Variants in SV2C observed in about 807,000 individuals in gnomAD.
SV2C encodes the protein solute carrier family 22 member B3.
Under a neutral mutation model 79.7 loss-of-function variants are expected in SV2C, and 49 were observed. The observed-to-expected ratio is 0.61, with a 90% CI of 0.49 to 0.78. SV2C has a LOEUF of 0.78. Ranked by LOEUF, SV2C falls within the 30% of genes least tolerant of loss-of-function variation. The pLI is 0.00. For missense variants in SV2C, 833 were observed against 912.9 expected, an observed-to-expected ratio of 0.91 and a Z score of 1.13; for synonymous variants, 334 against 333.2, an observed-to-expected ratio of 1.00 and a Z score of -0.03.
At chr5:76,122,776 G>A (rs1167447456) in intron 1 of SV2C, among the ~76,000 whole-genome samples, 1 of 152,012 alleles carries the variant, frequency 6.6e-6, no homozygotes, top group Admixed American at 6.6e-5. Context: ...AAGGAGGAAA[G>A]ATCCAAAATT....
At chr5:76,011,169 C>A in the SV2C span, among the ~76,000 whole-genome samples, 1 of 151,970 alleles carries the variant, frequency 6.6e-6, no homozygotes, top group East Asian at 1.9e-4. Context: ...GTAGATACAC[C>A]AAGTTTTACT....
At chr5:76,231,027 T>A (rs1013937123) in intron 4 of SV2C, among the ~76,000 whole-genome samples, 3 of 152,204 alleles carry the variant, frequency 2.0e-5, no homozygotes, top group Non-Finnish European at 4.4e-5. Context: ...GATTAGGAAC[T>A]CTCTGAATGA....
chr5:75,961,467 GTT>G, the SV2C span, among the ~76,000 whole-genome samples: 1 of 151,800 alleles, frequency 6.6e-6, no homozygotes, highest in South Asian at 2.1e-4. Flanking sequence ...TAATTAGAAT[GTT>G]TTTACAACAA....
the SV2C span, chr5:75,921,212 G>A: frequency 2.1e-4 from 228 of 1,108,178 alleles, 2 homozygotes; most frequent in African/African-American, 3.0e-3. Flanking sequence ...GCCAGCAGCC[G>A]AGATGTGGTC....
At chr5:76,046,034 C>CTATA in the SV2C span, among the ~76,000 whole-genome samples, 1 of 152,218 alleles carries the variant, frequency 6.6e-6, no homozygotes, top group Admixed American at 6.5e-5. Context: ...GTAGAGCTTA[C>CTATA]TATAGTGGGA....
the SV2C span, among the ~76,000 whole-genome samples, chr5:75,914,223 C>G: frequency 6.6e-6 from 1 of 151,912 alleles, no homozygotes; most frequent in African/African-American, 2.4e-5. Context: ...TTCTAGAGTT[C>G]TTTTATAGCT....
intron 2 of SV2C, among the ~76,000 whole-genome samples, chr5:76,181,418 G>T (rs1299099431): frequency 6.6e-6 from 1 of 152,140 alleles, no homozygotes; most frequent in Admixed American, 6.5e-5. Flanking sequence ...CTTTCTATTA[G>T]TCTGTTTTCA....
chr5:75,890,955 A>G, the SV2C span, among the ~76,000 whole-genome samples: 3 of 151,880 alleles, frequency 2.0e-5, no homozygotes, highest in Non-Finnish European at 4.4e-5. Flanking sequence ...TATTACTGCA[A>G]TCTCATTTTC....
At chr5:75,978,779 C>A in the SV2C span, among the ~76,000 whole-genome samples, 1 of 152,166 alleles carries the variant, frequency 6.6e-6, no homozygotes, top group African/African-American at 2.4e-5. Flanking sequence ...GGGTCTGACC[C>A]ATTCGTATGC....
intron 4 of SV2C, among the ~76,000 whole-genome samples, chr5:76,237,148 C>T (rs1176964931): frequency 2.0e-5 from 3 of 152,156 alleles, no homozygotes; most frequent in Admixed American, 6.5e-5. Context: ...GGTATTTCTT[C>T]ATAGCAGTGT....
Position 76,326,164 on chromosome 5 carries a change from C to A in SV2C, c.*617C>A, listed in dbSNP as rs1748991324. 6.6e-6 allele frequency: 1 copy of A among 152,186 alleles called. No homozygotes were observed. The highest frequency in any genetic ancestry group is 1.5e-5 in the Non-Finnish European group (1 of 68,060). The allele number at this position is 152,186 out of a possible 1,614,324, so 9.4% of individuals were successfully genotyped here. A position where few individuals can be genotyped will look rare whatever the true frequency, so the allele number is the denominator to read the frequency against. On this transcript the variant is annotated 3_prime_UTR_variant, in exon 13 of 13. Coordinates refer to ENST00000502798, the MANE Select transcript of SV2C (RefSeq NM_014979.4). ...AGAAAAATAAAAGCTCTGCAATTAGCAGCAAAAATCTGAGTGTGCTGCATA... is the reference window on the plus strand; with the variant it reads ...AGAAAAATAAAAGCTCTGCAATTAGAAGCAAAAATCTGAGTGTGCTGCATA...
At chr5:76,318,455 T>C (rs1157277160) in intron 12 of SV2C, among the ~76,000 whole-genome samples, 2 of 151,548 alleles carry the variant, frequency 1.3e-5, no homozygotes, top group African/African-American at 2.4e-5. Context: ...CATGAAACAA[T>C]ATAAATAAAC....
intron 4 of SV2C, among the ~76,000 whole-genome samples, chr5:76,249,984 G>C (rs952540556): frequency 6.6e-6 from 1 of 152,124 alleles, no homozygotes; most frequent in Admixed American, 6.5e-5. Context: ...TATTCTGAAC[G>C]TTTGCTTTGT....
chr5:75,888,210 G>T, the SV2C span, among the ~76,000 whole-genome samples: 3 of 151,864 alleles, frequency 2.0e-5, no homozygotes, highest in African/African-American at 7.3e-5. Flanking sequence ...AATGAAAGAT[G>T]GTGTAGTCCG....
intron 4 of SV2C, among the ~76,000 whole-genome samples, chr5:76,251,177 TAAAAC>T (rs1050858970): frequency 4.6e-5 from 7 of 152,154 alleles, no homozygotes; most frequent in Admixed American, 2.6e-4. Flanking sequence ...TCCCCACACA[TAAAAC>T]AAAGCATCAC....
In SV2C at chr5:76,320,422, A is replaced by G. The variant is rs150273808; in HGVS notation, c.2001-4942A>G. On this transcript the variant is annotated intron_variant, in intron 12 of 12. Coordinates refer to ENST00000502798, the MANE Select transcript of SV2C (RefSeq NM_014979.4). Reference sequence around the variant, plus strand: ...AGAATGTACAACACCAATGTAATGTAATTGAACTTTGGCTAATAACAACGT... The same window carrying G: ...AGAATGTACAACACCAATGTAATGTGATTGAACTTTGGCTAATAACAACGT... Among the ~76,000 whole-genome samples, 66 of 152,308 alleles carry G rather than the reference A, an allele frequency of 4.3e-4. 1 individual carries two copies. In the East Asian group the frequency reaches 0.013, roughly 29 times the overall value.
the SV2C span, among the ~76,000 whole-genome samples, chr5:75,981,299 A>C: frequency 6.6e-6 from 1 of 152,368 alleles, no homozygotes; most frequent in Non-Finnish European, 1.5e-5. Flanking sequence ...TGCCCAAAGC[A>C]ATTTATAGTG....
chr5:76,315,070 A>G (rs1748573016), intron 12 of SV2C, among the ~76,000 whole-genome samples: 1 of 152,152 alleles, frequency 6.6e-6, no homozygotes, highest in Non-Finnish European at 1.5e-5. Flanking sequence ...CTTGGGATCC[A>G]GGGATTCCTG....
chr5:76,076,035 A>G, the SV2C span: 1 of 154,178 alleles, frequency 6.5e-6, no homozygotes, highest in African/African-American at 2.4e-5. Context: ...ACACACTGTA[A>G]TGCATCTATG....
Sources: gnomAD v4.1 joint callset for allele counts (sites outside exome capture counted in the v4.1 genomes callset) on GRCh38, gnomAD v4.1.1 for gene constraint, MANE v1.5 for transcripts, NCBI Gene and HGNC (gene_info 2026-07-23, HGNC 2026-07-21) for gene names.